DNER: variants seen among roughly 807,000 people sequenced by gnomAD.
The protein encoded by DNER is delta/notch like EGF repeat containing, also known as delta and Notch-like epidermal growth factor-related receptor.
In DNER, 33 loss-of-function variants were observed where a neutral mutation model predicts 78.2. The observed-to-expected ratio is 0.42, with a 90% CI of 0.32 to 0.56. The LOEUF (loss-of-function observed/expected upper bound fraction) is 0.56, where lower values mean the gene tolerates loss of function less well. Ranked by LOEUF, DNER falls within the 20% of genes least tolerant of loss-of-function variation. DNER has a pLI of 0.11. For missense variants in DNER, 918 were observed against 975.3 expected, an observed-to-expected ratio of 0.94 and a Z score of 0.78; for synonymous variants, 417 against 384.8, an observed-to-expected ratio of 1.08 and a Z score of -0.98.
intron 4 of DNER, among the ~76,000 whole-genome samples, chr2:229,570,634 A>AC (rs1228477994): frequency 1.3e-5 from 2 of 151,750 alleles, no homozygotes; most frequent in Non-Finnish European, 2.9e-5. Context: ...CAAAAAAAAA[A>AC]AAAATCAAGA....
intron 1 of DNER, among the ~76,000 whole-genome samples, chr2:229,622,020 A>G (rs1184977668): frequency 6.6e-6 from 1 of 152,214 alleles, no homozygotes; most frequent in East Asian, 1.9e-4. Flanking sequence ...CAGGAGGCGG[A>G]GCTTGCAGTG....
chr2:229,436,656 G>GA (rs534010462), intron 8 of DNER, among the ~76,000 whole-genome samples: 38 of 151,110 alleles, frequency 2.5e-4, no homozygotes, highest in African/African-American at 6.1e-4. Context: ...ACATTCAAAA[G>GA]AAAAAAAAAT....
At chr2:229,614,129 C>T (rs981031332) in intron 1 of DNER, among the ~76,000 whole-genome samples, 2 of 151,048 alleles carry the variant, frequency 1.3e-5, no homozygotes, top group Non-Finnish European at 2.9e-5. Flanking sequence ...TATACATATG[C>T]AACAAACCTG....
intron 4 of DNER, among the ~76,000 whole-genome samples, chr2:229,583,874 T>C (rs1483939647): frequency 6.6e-6 from 1 of 152,228 alleles, no homozygotes; most frequent in Non-Finnish European, 1.5e-5. Context: ...TGAAGTGAAA[T>C]GCACTCGTCT....
intron 8 of DNER, among the ~76,000 whole-genome samples, chr2:229,434,804 G>A (rs1341662380): frequency 6.6e-6 from 1 of 151,948 alleles, no homozygotes; most frequent in Non-Finnish European, 1.5e-5. Flanking sequence ...CACTTGAGTA[G>A]GCAAGTTCAG....
chr2:229,501,087 C>T (rs1695611806), intron 6 of DNER, among the ~76,000 whole-genome samples: 1 of 151,842 alleles, frequency 6.6e-6, no homozygotes, highest in African/African-American at 2.4e-5. Context: ...CTCAAATAGG[C>T]AAACTCATAG....
In DNER at chr2:229,714,534, G is replaced by C. The variant is rs895585299; in HGVS notation, c.-111C>G. 15 of 1,039,936 alleles carry C rather than the reference G, an allele frequency of 1.4e-5. No homozygotes were observed. The South Asian group carries it at 2.7e-4, about 18-fold the overall frequency. The allele number at this position is 1,039,936 out of a possible 1,614,324, so 64.4% of individuals were successfully genotyped here. ...CGGTGGCGGCTAGGGCTGCTCCGCCGGGCCGGGCGCCTCCTGCAGCTGCGG... is the reference window on the plus strand; with the variant it reads ...CGGTGGCGGCTAGGGCTGCTCCGCCCGGCCGGGCGCCTCCTGCAGCTGCGG... On this transcript the variant is annotated 5_prime_UTR_variant, in exon 1 of 13. Coordinates refer to ENST00000341772, the MANE Select transcript of DNER (RefSeq NM_139072.4).
chr2:229,418,957 C>A (rs1693707800), intron 8 of DNER, among the ~76,000 whole-genome samples: 1 of 151,738 alleles, frequency 6.6e-6, no homozygotes. Flanking sequence ...AGTGTGAGAG[C>A]CACATTAGAA....
At chr2:229,706,478 G>A (rs1372740633) in intron 1 of DNER, among the ~76,000 whole-genome samples, 4 of 151,820 alleles carry the variant, frequency 2.6e-5, no homozygotes, top group Admixed American at 6.6e-5. Context: ...CACAAGAATC[G>A]CTTGAATATG....
At chr2:229,576,996 G>A (rs11893088) in intron 4 of DNER, among the ~76,000 whole-genome samples, 2,483 of 152,262 alleles carry the variant, frequency 0.016, 70 homozygotes, top group African/African-American at 0.056. Context: ...TCCAGACCAC[G>A]GAGAAGGGGA....
chr2:229,684,167 A>AGTGTGTGT (rs1362937188), intron 1 of DNER, among the ~76,000 whole-genome samples: 82 of 103,232 alleles, frequency 7.9e-4, no homozygotes, highest in African/African-American at 2.3e-3. Context: ...AGAGAGAGAG[A>AGTGTGTGT]GAGTGTGTGT....
chr2:229,683,371 G>A (rs1344851922), intron 1 of DNER, among the ~76,000 whole-genome samples: 2 of 152,244 alleles, frequency 1.3e-5, no homozygotes, highest in East Asian at 3.9e-4. Context: ...ACCAACTAGA[G>A]CTCTTATCAA....
chr2:229,397,094 A>T (rs552860177), intron 10 of DNER, among the ~76,000 whole-genome samples: 1 of 152,326 alleles, frequency 6.6e-6, no homozygotes, highest in South Asian at 2.1e-4. Context: ...AGCCAGAGTG[A>T]GAGTTCTGCT....
At chr2:229,395,189 G>C (rs1693107581) in intron 10 of DNER, among the ~76,000 whole-genome samples, 1 of 152,232 alleles carries the variant, frequency 6.6e-6, no homozygotes, top group African/African-American at 2.4e-5. Context: ...TTTGCTGTGT[G>C]TAATAACTGG....
In DNER at chr2:229,502,304, G is replaced by A. The variant is rs553973856; in HGVS notation, c.1147+10479C>T. Among the ~76,000 whole-genome samples, 13 of 152,310 alleles carry A rather than the reference G, an allele frequency of 8.5e-5. No individual in the cohort carries two copies. In the East Asian group the frequency reaches 2.5e-3, roughly 29 times the overall value. Reference sequence around the variant, plus strand: ...ATATCTACGGGTGCTCCCTTGAGGAGGCCACCTGAGTCCATGAAATGGGTG... The same window carrying A: ...ATATCTACGGGTGCTCCCTTGAGGAAGCCACCTGAGTCCATGAAATGGGTG... On this transcript the variant is annotated intron_variant, in intron 6 of 12. Transcript: ENST00000341772.
intron 6 of DNER, among the ~76,000 whole-genome samples, chr2:229,489,740 G>A (rs1233569262): frequency 1.3e-5 from 2 of 152,024 alleles, no homozygotes; most frequent in African/African-American, 2.4e-5. Flanking sequence ...GGGTGGGAGA[G>A]GTCTCAGGAG....
intron 1 of DNER, among the ~76,000 whole-genome samples, chr2:229,712,176 C>T (rs1244415852): frequency 2.0e-5 from 3 of 152,196 alleles, no homozygotes; most frequent in African/African-American, 7.2e-5. Context: ...AGCCTACCTC[C>T]AATGGGAGCT....
chr2:229,558,063 T>C (rs953522220), intron 4 of DNER, among the ~76,000 whole-genome samples: 3 of 152,166 alleles, frequency 2.0e-5, no homozygotes, highest in African/African-American at 4.8e-5. Flanking sequence ...AAGAATGAGA[T>C]CATGTCCTTT....
chr2:229,390,963 G>A (rs1574821559), intron 10 of DNER, among the ~76,000 whole-genome samples: 1 of 152,146 alleles, frequency 6.6e-6, no homozygotes, highest in Admixed American at 6.5e-5. Flanking sequence ...AGTTGAATCA[G>A]TTATTCCTCA....
Sources: gnomAD v4.1 joint callset for allele counts (sites outside exome capture counted in the v4.1 genomes callset) on GRCh38, gnomAD v4.1.1 for gene constraint, MANE v1.5 for transcripts, NCBI Gene and HGNC (gene_info 2026-07-23, HGNC 2026-07-21) for gene names.